The following TTC29 variants were observed in gnomAD, a reference collection of about 807,000 sequenced individuals.
TTC29 encodes the protein tetratricopeptide repeat protein 29.
In TTC29, 49 loss-of-function variants were observed where a neutral mutation model predicts 58.1. That is an observed-to-expected ratio of 0.84 (90% CI 0.67 to 1.07). TTC29 has a LOEUF of 1.07. TTC29 is among the 50% of genes least tolerant of loss of function. TTC29 has a pLI of 0.00. For synonymous variants in TTC29, 209 were observed against 196.8 expected (o/e 1.06, Z -0.52); for missense variants, 582 against 555.6 (o/e 1.05, Z -0.48).
intron 8 of TTC29, among the ~76,000 whole-genome samples, chr4:146,836,065 G>A (rs1728489747): frequency 6.6e-6 from 1 of 152,014 alleles, no homozygotes; most frequent in African/African-American, 2.4e-5. Flanking sequence ...AACACATTTG[G>A]GCCAGGAAAT....
At chr4:146,774,624 T>G (rs554857478) in intron 11 of TTC29, among the ~76,000 whole-genome samples, 1 of 152,110 alleles carries the variant, frequency 6.6e-6, no homozygotes, top group Non-Finnish European at 1.5e-5. Flanking sequence ...TGTGGAGGAT[T>G]GTTTTATGGC....
intron 2 of TTC29, among the ~76,000 whole-genome samples, chr4:146,942,279 G>A (rs956428232): frequency 1.8e-4 from 27 of 152,132 alleles, no homozygotes; most frequent in African/African-American, 6.3e-4. Context: ...AAAGCAAAGG[G>A]TCTACCCTTT....
chr4:146,893,928 A>G (rs552353214), intron 6 of TTC29, among the ~76,000 whole-genome samples: 1 of 152,356 alleles, frequency 6.6e-6, no homozygotes, highest in Non-Finnish European at 1.5e-5. Context: ...CACATGAAAA[A>G]ATACTCATCA....
chr4:146,731,472 A>G (rs1381055644), intron 11 of TTC29, among the ~76,000 whole-genome samples: 1 of 152,144 alleles, frequency 6.6e-6, no homozygotes, highest in Non-Finnish European at 1.5e-5. Context: ...TTCAATTGTA[A>G]GAGTGCAAAC....
intron 4 of TTC29, among the ~76,000 whole-genome samples, chr4:146,917,609 T>TATATAATATCTAATTAG: frequency 2.3e-5 from 1 of 43,472 alleles, no homozygotes. Flanking sequence ...ATATATTATT[T>TATATAATATCTAATTAG]ATAATATATA....
In TTC29 at chr4:146,845,625, G is replaced by T. The variant is rs1404721571; in HGVS notation, c.886-11728C>A. Among the ~76,000 whole-genome samples the T allele has an allele frequency of 3.3e-5, 5 of 152,168 alleles. 1 individual carries two copies. The highest frequency in any genetic ancestry group is 4.8e-5 in the African/African-American group (2 of 41,428). Reference sequence around the variant, plus strand: ...AGGTATTGTCACTTGCTTTGCCAATGCAGAAATGTCAATATCTACAACTAG... The same window carrying T: ...AGGTATTGTCACTTGCTTTGCCAATTCAGAAATGTCAATATCTACAACTAG... On this transcript the variant is annotated intron_variant, in intron 8 of 12. Transcript: ENST00000325106.
Position 146,719,189 on chromosome 4 carries a change from GGTGTGTGTGTGT to G in TTC29, c.1331-11650_1331-11639del, listed in dbSNP as rs60552473. Among the ~76,000 whole-genome samples the G allele has an allele frequency of 1.7e-4, 24 of 144,182 alleles. No homozygotes were observed. In the East Asian group the frequency reaches 3.5e-3, roughly 21 times the overall value. 94.6% of individuals were successfully genotyped at this position (144,182 alleles called of 152,430 possible). A position where few individuals can be genotyped will look rare whatever the true frequency, so the allele number is the denominator to read the frequency against. On this transcript the variant is annotated intron_variant, in intron 11 of 12. Coordinates refer to ENST00000325106, the MANE Select transcript of TTC29 (RefSeq NM_031956.4). The stretch of plus-strand genomic sequence containing the variant: ...TGCTCATCATTGCCTTGGCTATTGG[GGTGTGTGTGTGT>G]GTGTGTGTGTGTGTGTGTGTGTGTG...
Position 146,832,644 on chromosome 4 carries a change from T to C in TTC29, c.977+1162A>G, listed in dbSNP as rs575166931. The stretch of plus-strand genomic sequence containing the variant: ...CCTCCTCCATGGCCAACTAATTTTG[T>C]GTGTGTGTGTGTGTGTGTGGTATTT... On this transcript the variant is annotated intron_variant, in intron 9 of 12. Transcript: ENST00000325106. Among the ~76,000 whole-genome samples, 51 of 150,506 alleles carry C rather than the reference T, an allele frequency of 3.4e-4. No homozygotes were observed. The East Asian group carries it at 5.9e-3, about 17-fold the overall frequency.
chr4:146,756,608 C>T (rs924602404), intron 11 of TTC29, among the ~76,000 whole-genome samples: 19 of 152,034 alleles, frequency 1.2e-4, no homozygotes, highest in African/African-American at 4.6e-4. Flanking sequence ...CTTGATTATT[C>T]CCCCAAATAT....
chr4:146,756,067 G>T (rs1459846926), intron 11 of TTC29, among the ~76,000 whole-genome samples: 5 of 152,102 alleles, frequency 3.3e-5, no homozygotes, highest in Non-Finnish European at 7.4e-5. Context: ...GAGGTCAGGA[G>T]ATCGAGACCA....
At position 146,844,146 on chromosome 4, in the gene TTC29, G is replaced by C. The variant is rs1181691642; in HGVS notation, c.886-10249C>G. 3.3e-5 allele frequency among the ~76,000 whole-genome samples: 5 copies of C among 152,228 alleles called. No individual in the cohort carries two copies. The South Asian group carries it at 1.0e-3, about 32-fold the overall frequency. On this transcript the variant is annotated intron_variant, in intron 8 of 12. Coordinates refer to ENST00000325106, the MANE Select transcript of TTC29 (RefSeq NM_031956.4). ...CTTTCACATGCTAAGAGTTTACATT[G>C]TATTTTCAAAAGCTGTAAAAACATA...
intron 6 of TTC29, among the ~76,000 whole-genome samples, chr4:146,886,786 T>A (rs1185482003): frequency 2.0e-5 from 3 of 152,110 alleles, no homozygotes; most frequent in African/African-American, 7.2e-5. Flanking sequence ...GGAGATGGTG[T>A]TGGGTAGTGG....
chr4:146,733,443 G>A (rs1487321795), intron 11 of TTC29, among the ~76,000 whole-genome samples: 4 of 151,984 alleles, frequency 2.6e-5, no homozygotes, highest in African/African-American at 7.3e-5. Context: ...ATGAAATAAT[G>A]GCAGTCACTA....
chr4:146,912,833 G>A (rs1733982901), intron 4 of TTC29, among the ~76,000 whole-genome samples: 1 of 151,830 alleles, frequency 6.6e-6, no homozygotes, highest in African/African-American at 2.4e-5. Context: ...GAGAGAAGTA[G>A]GTGATTTCAA....
At chr4:146,707,398 T>C (rs1330650602) in intron 12 of TTC29, 87 bp downstream of exon 12, 4 of 997,792 alleles carry the variant, frequency 4.0e-6, no homozygotes, top group African/African-American at 3.3e-5. Context: ...ATGAAGCTCC[T>C]CTTTTTGTGT....
At chr4:146,931,509 T>C (rs968859442) in intron 4 of TTC29, among the ~76,000 whole-genome samples, 16 of 152,208 alleles carry the variant, frequency 1.1e-4, no homozygotes, top group African/African-American at 3.9e-4. Flanking sequence ...GTTAGTATGC[T>C]CTCCAAATAG....
intron 8 of TTC29, among the ~76,000 whole-genome samples, chr4:146,845,744 T>C (rs1024210094): frequency 2.6e-5 from 4 of 152,188 alleles, no homozygotes; most frequent in Non-Finnish European, 1.5e-5. Context: ...CAGGCCCTTG[T>C]TAATTGCAGG....
chr4:146,849,866 A>G (rs972266845), intron 8 of TTC29, among the ~76,000 whole-genome samples: 4 of 151,708 alleles, frequency 2.6e-5, no homozygotes, highest in Admixed American at 2.0e-4. Flanking sequence ...TGCATGGCCC[A>G]CTCTCTCACA....
intron 9 of TTC29, among the ~76,000 whole-genome samples, chr4:146,831,290 G>T (rs995568465): frequency 6.6e-6 from 1 of 151,920 alleles, no homozygotes; most frequent in Admixed American, 6.6e-5. Context: ...AAATAGATAG[G>T]TTCTCACTAT....
Sources: allele counts gnomAD v4.1 joint callset (sites outside exome capture counted in the v4.1 genomes callset), GRCh38; gene constraint gnomAD v4.1.1; transcripts MANE v1.5; gene names NCBI Gene and HGNC (gene_info 2026-07-23, HGNC 2026-07-21).